GYPC: variants seen among roughly 807,000 people sequenced by gnomAD.
The protein encoded by GYPC is glycophorin-C.
Under a neutral mutation model 12.6 loss-of-function variants are expected in GYPC, and 14 were observed. The observed-to-expected ratio is 1.11, with a 90% CI of 0.74 to 1.74. The LOEUF (loss-of-function observed/expected upper bound fraction) is 1.74, where lower values mean the gene tolerates loss of function less well. Among genes scored for constraint, GYPC ranks in the 40% most tolerant of loss-of-function variants. The probability of loss-of-function intolerance (pLI) is 0.00; values close to 1 mark genes in which losing one functional copy is unlikely to be tolerated. For synonymous variants in GYPC, 78 were observed against 62.1 expected (o/e 1.26, Z -1.20); for missense variants, 225 against 172.1 (o/e 1.31, Z -1.72).
chr2:126,696,001 C>A lies in GYPC; in HGVS notation c.246C>A (p.Arg82=), dbSNP rs1573583528. Reference sequence around the variant, plus strand: ...TCTCCCTCCTCTTCGTCATGCTGCGCTACATGTACCGGCACAAGGGCACGT... The same window carrying A: ...TCTCCCTCCTCTTCGTCATGCTGCGATACATGTACCGGCACAAGGGCACGT... ...VLVSLLFVML[R]YMYRHKGTYH... is the part of the protein sequence containing the mutation. The change falls in exon 4 of 4, where the codon CGC becomes CGA. Residue 82 remains arginine, a synonymous_variant. Coordinates refer to ENST00000259254, the MANE Select transcript of GYPC (RefSeq NM_002101.5). The A allele has an allele frequency of 6.2e-7, 1 of 1,614,048 alleles. No homozygotes were observed. Among genetic ancestry groups the A allele is most frequent in the South Asian group, 1.1e-5 (1 of 91,090 alleles).
chr2:126,665,115 G>A (rs1216302490), intron 1 of GYPC, among the ~76,000 whole-genome samples: 1 of 152,202 alleles, frequency 6.6e-6, no homozygotes, highest in African/African-American at 2.4e-5. Flanking sequence ...AGCAATTCAT[G>A]TTCATTGTAG....
intron 1 of GYPC, among the ~76,000 whole-genome samples, chr2:126,677,997 G>T (rs147008278): frequency 6.6e-6 from 1 of 152,178 alleles, no homozygotes. Context: ...CAAGGTGGGC[G>T]GATCACGAGG....
intron 1 of GYPC, among the ~76,000 whole-genome samples, chr2:126,681,347 G>C (rs972247233): frequency 1.8e-4 from 27 of 152,158 alleles, no homozygotes; most frequent in African/African-American, 6.3e-4. Context: ...GTCATATGGG[G>C]GTATCATAAT....
At chr2:126,692,623 C>T (rs1683506230) in intron 2 of GYPC, among the ~76,000 whole-genome samples, 1 of 152,174 alleles carries the variant, frequency 6.6e-6, no homozygotes, top group South Asian at 2.1e-4. Flanking sequence ...GGAGAGAAGG[C>T]ATTCTGTGCA....
chr2:126,696,159 C>T lies in GYPC; in HGVS notation c.*17C>T, dbSNP rs776487316. The T allele has an allele frequency of 1.0e-5, 16 of 1,592,490 alleles. No individual in the cohort carries two copies. The African/African-American group carries it at 1.7e-4, about 17-fold the overall frequency. ...TTTATTTGAGGGACAACAGACTTCA[C>T]TTCCCTGAATGCCTCCCCCATCTCC... On this transcript the variant is annotated 3_prime_UTR_variant, in exon 4 of 4. Transcript: ENST00000259254.
chr2:126,695,826 G>C, intron 3 of GYPC, 120 bp from the exon 4 acceptor site: 1 of 785,482 alleles, frequency 1.3e-6, no homozygotes, highest in Non-Finnish European at 2.3e-6. Flanking sequence ...AAATCAAGGA[G>C]CATCTCTTTT....
At chr2:126,685,967 A>G (rs1683278011) in intron 1 of GYPC, 1 of 985,034 alleles carries the variant, frequency 1.0e-6, no homozygotes, top group Non-Finnish European at 1.2e-6. Context: ...TCGAGCCCTC[A>G]CCCTGTGCCT....
chr2:126,663,950 GTCTCTC>G (rs61649506), intron 1 of GYPC, among the ~76,000 whole-genome samples: 8,960 of 129,400 alleles, frequency 0.069, 416 homozygotes, highest in African/African-American at 0.098. Context: ...TAAGGTTCTG[GTCTCTC>G]TCTCTCTCTC....
At chr2:126,689,982 A>C (rs1683406836) in intron 1 of GYPC, among the ~76,000 whole-genome samples, 1 of 152,192 alleles carries the variant, frequency 6.6e-6, no homozygotes, top group Non-Finnish European at 1.5e-5. Flanking sequence ...CACCACTCTC[A>C]GTGGAGGCAT....
At chr2:126,681,865 C>T (rs976658060) in intron 1 of GYPC, among the ~76,000 whole-genome samples, 3 of 152,136 alleles carry the variant, frequency 2.0e-5, no homozygotes, top group African/African-American at 4.8e-5. Context: ...CCATGAGTAT[C>T]GTCACTGAGG....
chr2:126,662,785 C>T (rs1682567420), intron 1 of GYPC, among the ~76,000 whole-genome samples: 1 of 152,174 alleles, frequency 6.6e-6, no homozygotes, highest in Non-Finnish European at 1.5e-5. Flanking sequence ...AGATAAACAT[C>T]CTAGTGTAGT....
At chr2:126,663,416 C>G (rs936860094) in intron 1 of GYPC, among the ~76,000 whole-genome samples, 2 of 152,194 alleles carry the variant, frequency 1.3e-5, no homozygotes, top group Non-Finnish European at 2.9e-5. Context: ...CTTGGCCACG[C>G]ACGCCAGCTG....
intron 1 of GYPC, among the ~76,000 whole-genome samples, chr2:126,678,017 C>T (rs1392265793): frequency 1.3e-5 from 2 of 152,258 alleles, no homozygotes; most frequent in African/African-American, 4.8e-5. Flanking sequence ...GTCAGGAGAT[C>T]AAGACCATCC....
At chr2:126,688,436 A>G (rs1362744846) in intron 1 of GYPC, among the ~76,000 whole-genome samples, 1 of 152,234 alleles carries the variant, frequency 6.6e-6, no homozygotes, top group Non-Finnish European at 1.5e-5. Context: ...ATATTTATTG[A>G]GTACCTACTA....
chr2:126,661,434 A>G (rs1267513900), intron 1 of GYPC, among the ~76,000 whole-genome samples: 3 of 150,400 alleles, frequency 2.0e-5, no homozygotes, highest in Admixed American at 2.0e-4. Flanking sequence ...TGTGAAAGCC[A>G]GATGCCCCTT....
intron 1 of GYPC, among the ~76,000 whole-genome samples, chr2:126,677,286 TGA>T (rs1339662464): frequency 5.9e-5 from 9 of 151,586 alleles, no homozygotes; most frequent in South Asian, 4.2e-4. Flanking sequence ...TGAGAGTGTG[TGA>T]GTGTGTTAGA....
chr2:126,662,807 G>A (rs13008527), intron 1 of GYPC, among the ~76,000 whole-genome samples: 9,201 of 152,184 alleles, frequency 0.06, 378 homozygotes, highest in South Asian at 0.15. Flanking sequence ...CCTGGTATGT[G>A]CTCATAATTG....
intron 1 of GYPC, among the ~76,000 whole-genome samples, chr2:126,687,840 A>C (rs1313347790): frequency 6.6e-6 from 1 of 152,202 alleles, no homozygotes; most frequent in East Asian, 1.9e-4. Flanking sequence ...ATTTGAGTAC[A>C]AGGTCCCTAA....
At chr2:126,688,530 C>T (rs1683356409) in intron 1 of GYPC, among the ~76,000 whole-genome samples, 1 of 152,248 alleles carries the variant, frequency 6.6e-6, no homozygotes. Context: ...GCTCCTGCTT[C>T]AGGTCTTGCT....
Sources: gnomAD v4.1 joint callset for allele counts (sites outside exome capture counted in the v4.1 genomes callset) on GRCh38, gnomAD v4.1.1 for gene constraint, MANE v1.5 for transcripts, NCBI Gene and HGNC (gene_info 2026-07-23, HGNC 2026-07-21) for gene names.